CREB5: variants seen among roughly 807,000 people sequenced by gnomAD.
CREB5 encodes cyclic AMP-responsive element-binding protein 5.
CREB5 carries 19 observed loss-of-function variants against 57.1 expected under a neutral mutation model. The observed-to-expected ratio is 0.33, with a 90% CI of 0.23 to 0.49. The LOEUF (loss-of-function observed/expected upper bound fraction) is 0.49. Among genes scored for constraint, CREB5 ranks in the 20% least tolerant of loss-of-function variants. CREB5 has a pLI of 0.99. For missense variants in CREB5, 579 were observed against 671.6 expected, an observed-to-expected ratio of 0.86 and a Z score of 1.52; for synonymous variants, 238 against 238.3, an observed-to-expected ratio of 1.00 and a Z score of 0.01.
chr7:28,312,070 A>G (rs1785289977), intron 1 of CREB5, among the ~76,000 whole-genome samples: 1 of 151,974 alleles, frequency 6.6e-6, no homozygotes, highest in Admixed American at 6.5e-5. Flanking sequence ...GTTGGAAATG[A>G]TCTAATTAAG....
At chr7:28,445,812 A>C (rs1789435808) in intron 1 of CREB5, among the ~76,000 whole-genome samples, 1 of 151,960 alleles carries the variant, frequency 6.6e-6, no homozygotes. Context: ...CAGCCTCCCA[A>C]AGTGCTGGGA....
intron 5 of CREB5, chr7:28,609,057 G>A (rs1797288038): frequency 1.3e-5 from 2 of 152,164 alleles, no homozygotes; most frequent in Admixed American, 6.5e-5. Flanking sequence ...ATCTAAGGCA[G>A]GATGACAGAA....
intron 7 of CREB5, among the ~76,000 whole-genome samples, chr7:28,790,472 G>GAGAAAGAA (rs1257333632): frequency 1.6e-5 from 2 of 124,956 alleles, no homozygotes. Flanking sequence ...TAGAGAGAGA[G>GAGAAAGAA]AGAAAGAAAG....
At chr7:28,582,344 G>A (rs921400570) in intron 5 of CREB5, among the ~76,000 whole-genome samples, 3 of 152,038 alleles carry the variant, frequency 2.0e-5, no homozygotes, top group Non-Finnish European at 4.4e-5. Context: ...ACTTTAATTT[G>A]TTCATTCTCA....
At chr7:28,382,039 G>GGT (rs1307147394) in intron 1 of CREB5, among the ~76,000 whole-genome samples, 1 of 152,340 alleles carries the variant, frequency 6.6e-6, no homozygotes, top group African/African-American at 2.4e-5. Flanking sequence ...GGAAGCCAAT[G>GGT]GTGTAGCTCT....
In CREB5 at chr7:28,804,534, C is replaced by T; in HGVS notation, c.1026+12C>T. On this transcript the variant is annotated intron_variant, in intron 8 of 10. Coordinates refer to ENST00000357727, the MANE Select transcript of CREB5 (RefSeq NM_182898.4). ...GCAACCAAGCACAGGTAGACCTTTT[C>T]CGTGATCTCTTTCCCCTTCTTATTC... The T allele has an allele frequency of 6.2e-7, 1 of 1,611,266 alleles. No homozygotes were observed. The highest frequency in any genetic ancestry group is 8.5e-7 in the Non-Finnish European group (1 of 1,177,622).
At chr7:28,446,952 C>T (rs1315653437) in intron 1 of CREB5, among the ~76,000 whole-genome samples, 2 of 152,168 alleles carry the variant, frequency 1.3e-5, no homozygotes, top group Non-Finnish European at 2.9e-5. Context: ...AAAGGCAAGA[C>T]CATTTCCTAT....
intron 4 of CREB5, among the ~76,000 whole-genome samples, chr7:28,549,389 C>T (rs1713839369): frequency 6.6e-6 from 1 of 152,188 alleles, no homozygotes; most frequent in African/African-American, 2.4e-5. Context: ...CAACCCTACA[C>T]ATTAAACATG....
chr7:28,446,046 C>T (rs374157910), intron 1 of CREB5, among the ~76,000 whole-genome samples: 18 of 152,350 alleles, frequency 1.2e-4, no homozygotes, highest in African/African-American at 4.3e-4. Flanking sequence ...CCAGCTGGAG[C>T]ACCTTTCCTG....
intron 5 of CREB5, among the ~76,000 whole-genome samples, chr7:28,700,255 T>C (rs67271293): frequency 0.057 from 8,648 of 152,160 alleles, 499 homozygotes; most frequent in African/African-American, 0.14. Flanking sequence ...CATGCATGCA[T>C]GTTCCCACGA....
intron 7 of CREB5, among the ~76,000 whole-genome samples, chr7:28,725,103 A>C (rs945629807): frequency 1.6e-4 from 24 of 152,350 alleles, no homozygotes; most frequent in African/African-American, 5.8e-4. Flanking sequence ...CATGACTGCA[A>C]AATACACTGC....
At chr7:28,791,143 G>A (rs967128254) in intron 7 of CREB5, among the ~76,000 whole-genome samples, 16 of 152,154 alleles carry the variant, frequency 1.1e-4, no homozygotes, top group Non-Finnish European at 2.2e-4. Flanking sequence ...GGAAACTAGG[G>A]TGGAGTGGAC....
chr7:28,739,246 AG>A (rs1804202988), intron 7 of CREB5, among the ~76,000 whole-genome samples: 1 of 152,214 alleles, frequency 6.6e-6, no homozygotes, highest in Non-Finnish European at 1.5e-5. Flanking sequence ...TTTAAAAATC[AG>A]TTATGAGTTC....
intron 4 of CREB5, among the ~76,000 whole-genome samples, chr7:28,547,648 C>A (rs1278319981): frequency 6.6e-6 from 1 of 152,194 alleles, no homozygotes; most frequent in Non-Finnish European, 1.5e-5. Context: ...CTTGGCCAAA[C>A]AACTGGTCAC....
At chr7:28,421,241 A>G (rs538388114) in intron 1 of CREB5, among the ~76,000 whole-genome samples, 109 of 152,278 alleles carry the variant, frequency 7.2e-4, no homozygotes, top group African/African-American at 2.5e-3. Flanking sequence ...GAACATCCAG[A>G]AATTTGGTTT....
At chr7:28,467,017 G>T (rs1583498177) in intron 1 of CREB5, among the ~76,000 whole-genome samples, 1 of 152,334 alleles carries the variant, frequency 6.6e-6, no homozygotes, top group East Asian at 1.9e-4. Context: ...GGAGGGACAG[G>T]GGGCCAAGGG....
chr7:28,498,752 T>C (rs1792158093), intron 3 of CREB5, among the ~76,000 whole-genome samples: 2 of 152,176 alleles, frequency 1.3e-5, no homozygotes, highest in African/African-American at 4.8e-5. Context: ...TGTTGGATTT[T>C]GAGAGCAAAG....
At chr7:28,706,933 T>C (rs944901138) in intron 5 of CREB5, among the ~76,000 whole-genome samples, 7 of 152,206 alleles carry the variant, frequency 4.6e-5, no homozygotes, top group African/African-American at 1.4e-4. Context: ...TAGTGGACCA[T>C]GAGGTAACGT....
chr7:28,782,431 A>T (rs147991230), intron 7 of CREB5, among the ~76,000 whole-genome samples: 2 of 152,246 alleles, frequency 1.3e-5, no homozygotes, highest in African/African-American at 4.8e-5. Flanking sequence ...AATTTCTAAA[A>T]TGAGATAAAA....
Sources: gnomAD v4.1 joint callset for allele counts (sites outside exome capture counted in the v4.1 genomes callset) on GRCh38, gnomAD v4.1.1 for gene constraint, MANE v1.5 for transcripts, NCBI Gene and HGNC (gene_info 2026-07-23, HGNC 2026-07-21) for gene names.